FYTTD1: variants seen among roughly 807,000 people sequenced by gnomAD.
FYTTD1 encodes the protein UAP56-interacting factor.
A neutral mutation model predicts 40.9 loss-of-function variants in FYTTD1; 22 were observed. The observed-to-expected ratio is 0.54, with a 90% CI of 0.38 to 0.77. FYTTD1 has a LOEUF of 0.77. Among genes scored for constraint, FYTTD1 ranks in the 30% least tolerant of loss-of-function variants. The pLI is 0.00. For missense variants in FYTTD1, 351 were observed against 392.2 expected (o/e 0.90, Z 0.89); for synonymous variants, 140 against 137.9 (o/e 1.01, Z -0.10).
chr3:197,751,135 CCTT>C lies in FYTTD1; in HGVS notation c.103+1065_103+1067del, dbSNP rs556526075. 2.4e-3 allele frequency among the ~76,000 whole-genome samples: 371 copies of C among 152,278 alleles called. 2 individuals carry two copies. Among genetic ancestry groups the C allele is most frequent in the African/African-American group, 8.1e-3 (338 of 41,562 alleles). On this transcript the variant is annotated intron_variant, in intron 1 of 8. Coordinates refer to ENST00000241502, the MANE Select transcript of FYTTD1 (RefSeq NM_032288.7). ...TTTAGAGTGATAACTGTCTTGGAAACCTTCTTTCGGTTTTCATTTCTTCCCATT... is the reference window on the plus strand; with the variant it reads ...TTTAGAGTGATAACTGTCTTGGAAACCTTTCGGTTTTCATTTCTTCCCATT...
At chr3:197,770,322 G>C in intron 4 of FYTTD1, 78 bp downstream of exon 4, 1 of 905,106 alleles carries the variant, frequency 1.1e-6, no homozygotes, top group South Asian at 1.6e-5. Context: ...GAATGGATTT[G>C]CAGTGATTTT....
rs1000057104 is a variant in FYTTD1 at position 197,762,813 on chromosome 3, C to T, written c.236-5626C>T. ...AGGAGAAAGGTGTGAACCTGGCAGG[C>T]GGAGCTTGCAGTGAGCCGAGATCGC... On this transcript the variant is annotated intron_variant, in intron 2 of 8. Transcript: ENST00000241502. 6.0e-5 allele frequency among the ~76,000 whole-genome samples: 9 copies of T among 151,046 alleles called. No homozygotes were observed. In the East Asian group the frequency reaches 1.2e-3, roughly 20 times the overall value.
chr3:197,751,571 T>C (rs1304064995), intron 1 of FYTTD1, among the ~76,000 whole-genome samples: 2 of 152,120 alleles, frequency 1.3e-5, no homozygotes, highest in Non-Finnish European at 2.9e-5. Context: ...CGGGCGGATG[T>C]TGCAGTGAGC....
chr3:197,750,649 C>T, intron 1 of FYTTD1: 1 of 985,440 alleles, frequency 1.0e-6, no homozygotes, highest in South Asian at 4.7e-5. Flanking sequence ...GGCCGCGGCC[C>T]CGGAGCGTCT....
At chr3:197,777,618 G>C (rs1012958868) in intron 7 of FYTTD1, among the ~76,000 whole-genome samples, 2 of 152,102 alleles carry the variant, frequency 1.3e-5, no homozygotes, top group African/African-American at 4.8e-5. Context: ...TAATGTTTTC[G>C]ATGTCTTTAT....
chr3:197,779,742 A>T, intron 8 of FYTTD1, among the ~76,000 whole-genome samples: 1 of 148,040 alleles, frequency 6.8e-6, no homozygotes, highest in Non-Finnish European at 1.5e-5. Context: ...ACAGGCACAC[A>T]CACCACACCT....
chr3:197,780,579 G>A (rs2109056643), intron 8 of FYTTD1, among the ~76,000 whole-genome samples: 1 of 150,272 alleles, frequency 6.7e-6, no homozygotes, highest in South Asian at 2.1e-4. Flanking sequence ...GTCTTGCTCT[G>A]TAGCCCAGGC....
chr3:197,756,560 A>C lies in FYTTD1; in HGVS notation c.235+3A>C. Reference sequence around the variant, plus strand: ...ATGGGGAATCCAACAGAATTCTGGTAAGTTTTGAAAGTAAGCTTTAATGGA... The same window carrying C: ...ATGGGGAATCCAACAGAATTCTGGTCAGTTTTGAAAGTAAGCTTTAATGGA... On this transcript the variant is annotated splice_donor_region_variant and intron_variant, in intron 2 of 8. Transcript: ENST00000241502. 1 of 1,612,762 alleles carries C rather than the reference A, an allele frequency of 6.2e-7. No homozygotes were observed. The highest frequency in any genetic ancestry group is 8.5e-7 in the Non-Finnish European group (1 of 1,178,782).
chr3:197,774,770 GATGGCCA>G (rs1729826621), intron 6 of FYTTD1, among the ~76,000 whole-genome samples: 4 of 150,520 alleles, frequency 2.7e-5, no homozygotes, highest in African/African-American at 9.8e-5. Flanking sequence ...AGCATAGCTC[GATGGCCA>G]GTGCACACCA....
chr3:197,755,920 A>G (rs1389851214), intron 1 of FYTTD1: 3 of 813,680 alleles, frequency 3.7e-6, no homozygotes, highest in Admixed American at 2.4e-5. Flanking sequence ...TAGGTAGGAA[A>G]ATGGAGGCTT....
At chr3:197,766,430 G>GGCGTGTGTGTGTGT (rs1553909117) in intron 2 of FYTTD1, among the ~76,000 whole-genome samples, 2 of 134,996 alleles carry the variant, frequency 1.5e-5, no homozygotes, top group Non-Finnish European at 3.1e-5. Flanking sequence ...GTTTGAGACT[G>GGCGTGTGTGTGTGT]GTGTGTGTGT....
chr3:197,781,140 C>T (rs1305794491), intron 8 of FYTTD1, among the ~76,000 whole-genome samples: 1 of 151,458 alleles, frequency 6.6e-6, no homozygotes, highest in Admixed American at 6.6e-5. Context: ...ATGGAAAAAC[C>T]CTGTCTCCAC....
intron 1 of FYTTD1, among the ~76,000 whole-genome samples, chr3:197,752,125 C>T (rs1259206152): frequency 2.0e-5 from 3 of 152,202 alleles, no homozygotes; most frequent in Non-Finnish European, 4.4e-5. Context: ...ATCTGTCTGC[C>T]TTGGCCTCCC....
rs1300649337 is a variant in FYTTD1, at chr3:197,754,109, C to T, written c.104-2317C>T. Among the ~76,000 whole-genome samples, 4 of 152,058 alleles carry T rather than the reference C, an allele frequency of 2.6e-5. No homozygotes were observed. The East Asian group carries it at 7.7e-4, about 29-fold the overall frequency. On this transcript the variant is annotated intron_variant, in intron 1 of 8. Transcript: ENST00000241502. Reference sequence around the variant, plus strand: ...TTTGCCTCTTTTTTTTAATGCTCCCCAGACAAAATTCATTTTTTTGGTTTA... The same window carrying T: ...TTTGCCTCTTTTTTTTAATGCTCCCTAGACAAAATTCATTTTTTTGGTTTA...
rs1020795784 is a variant in FYTTD1 at position 197,781,049 on chromosome 3, C to CA, written c.859-761dup. On this transcript the variant is annotated intron_variant, in intron 8 of 8. Coordinates refer to ENST00000241502, the MANE Select transcript of FYTTD1 (RefSeq NM_032288.7). The stretch of plus-strand genomic sequence containing the variant: ...ACCAAATTGGCCTGGTGCGGTGGCT[C>CA]ACGCCTGTAATCCCAGCACTTTGGG... Among the ~76,000 whole-genome samples the CA allele has an allele frequency of 2.1e-3, 321 of 151,824 alleles. 2 individuals are homozygous for CA. Among genetic ancestry groups the CA allele is most frequent in the African/African-American group, 7.4e-3 (307 of 41,436 alleles).
chr3:197,777,688 T>C (rs1467703518), intron 7 of FYTTD1, among the ~76,000 whole-genome samples: 2 of 152,176 alleles, frequency 1.3e-5, no homozygotes, highest in Non-Finnish European at 2.9e-5. Context: ...ACTTTGTCAA[T>C]TTATGGAGCT....
At chr3:197,758,505 G>A (rs577660782) in intron 2 of FYTTD1, among the ~76,000 whole-genome samples, 12 of 152,326 alleles carry the variant, frequency 7.9e-5, no homozygotes, top group African/African-American at 2.2e-4. Flanking sequence ...AATTCAAATA[G>A]TATTATAGGA....
chr3:197,749,866 C>CGCGTGCGCGCTCCCTCGGTGCGGCGGGCT (rs1444269542), upstream of FYTTD1: 39 of 674,008 alleles, frequency 5.8e-5, no homozygotes, highest in East Asian at 1.1e-3. Context: ...ACGGCGCCGG[C>CGCGTGCGCGCTCCCTCGGTGCGGCGGGCT]GCGTGCGCGC....
At chr3:197,750,892 G>C in intron 1 of FYTTD1, 37 of 974,992 alleles carry the variant, frequency 3.8e-5, no homozygotes, top group Non-Finnish European at 4.4e-5. Flanking sequence ...TAAAAACCGG[G>C]AGGTTGGTGA....
Sources: allele counts gnomAD v4.1 joint callset (sites outside exome capture counted in the v4.1 genomes callset), GRCh38; gene constraint gnomAD v4.1.1; transcripts MANE v1.5; gene names NCBI Gene and HGNC (gene_info 2026-07-23, HGNC 2026-07-21).